The following PLSCR2 variants were observed in gnomAD, a reference collection of about 807,000 sequenced individuals.
PLSCR2 encodes the protein PL scramblase 2.
A neutral mutation model predicts 25.3 loss-of-function variants in PLSCR2; 18 were observed. The ratio of observed to expected loss-of-function variants is 0.71; its 90% CI spans 0.49 to 1.06. The LOEUF (loss-of-function observed/expected upper bound fraction) is 1.06. Ranked by LOEUF, PLSCR2 falls within the 50% of genes least tolerant of loss-of-function variation. The pLI is 0.00. For missense variants in PLSCR2, 243 were observed against 269.5 expected, an observed-to-expected ratio of 0.90 and a Z score of 0.69; for synonymous variants, 88 against 87.3, an observed-to-expected ratio of 1.01 and a Z score of -0.04.
chr3:146,482,728 A>G (rs2043173158), intron 1 of PLSCR2, among the ~76,000 whole-genome samples: 1 of 152,230 alleles, frequency 6.6e-6, no homozygotes, highest in African/African-American at 2.4e-5. Flanking sequence ...ATTACTGGGT[A>G]TATACCCAAA....
At chr3:146,449,686 T>C (rs1408188636) in intron 5 of PLSCR2, among the ~76,000 whole-genome samples, 5 of 152,188 alleles carry the variant, frequency 3.3e-5, no homozygotes, top group African/African-American at 1.2e-4. Context: ...CAGAAAAGGA[T>C]ATAAATTTGA....
chr3:146,401,359 C>A (rs2038470560), intron 2 of PLSCR2: 1 of 152,496 alleles, frequency 6.6e-6, no homozygotes, highest in African/African-American at 2.4e-5. Flanking sequence ...TATTTACTTA[C>A]CTTTTGTAAG....
intron 1 of PLSCR2, among the ~76,000 whole-genome samples, chr3:146,475,585 T>A (rs1576719064): frequency 6.6e-6 from 1 of 152,226 alleles, no homozygotes; most frequent in African/African-American, 2.4e-5. Context: ...ATTTGGTTAC[T>A]TTCCTCAACT....
chr3:146,469,808 C>T (rs2042043827), intron 1 of PLSCR2, among the ~76,000 whole-genome samples: 1 of 147,984 alleles, frequency 6.8e-6, no homozygotes, highest in African/African-American at 2.5e-5. Context: ...CGACGCGCAG[C>T]TGCCGCCCAG....
intron 2 of PLSCR2, among the ~76,000 whole-genome samples, chr3:146,403,165 T>C (rs777704412): frequency 4.0e-4 from 56 of 139,286 alleles, no homozygotes; most frequent in African/African-American, 1.2e-3. Flanking sequence ...CACACACACA[T>C]GCACACTCCT....
chr3:146,466,048 A>C (rs2041849140), intron 1 of PLSCR2, among the ~76,000 whole-genome samples: 1 of 152,256 alleles, frequency 6.6e-6, no homozygotes, highest in South Asian at 2.1e-4. Context: ...CCAGTTATTA[A>C]TGCAAAGCAC....
chr3:146,460,771 T>C (rs1358407354), upstream of PLSCR2, among the ~76,000 whole-genome samples: 1 of 152,196 alleles, frequency 6.6e-6, no homozygotes. Flanking sequence ...GAAACCCTAA[T>C]ATAGATGTAA....
At chr3:146,470,250 G>A (rs1003205129) in intron 1 of PLSCR2, among the ~76,000 whole-genome samples, 1 of 152,134 alleles carries the variant, frequency 6.6e-6, no homozygotes, top group African/African-American at 2.4e-5. Flanking sequence ...TTGCACTGAC[G>A]TTTCTACTGA....
chr3:146,474,252 A>G (rs2042212083), intron 1 of PLSCR2, among the ~76,000 whole-genome samples: 1 of 152,114 alleles, frequency 6.6e-6, no homozygotes, highest in Non-Finnish European at 1.5e-5. Flanking sequence ...AAAACATGCT[A>G]TCTTTTTTTA....
chr3:146,443,657 T>C (rs1346725988), intron 6 of PLSCR2, among the ~76,000 whole-genome samples: 6 of 152,020 alleles, frequency 3.9e-5, no homozygotes, highest in Admixed American at 2.0e-4. Flanking sequence ...TCTGTTTTCT[T>C]AGTTGGTCAG....
At chr3:146,474,186 G>T (rs2042209642) in intron 1 of PLSCR2, among the ~76,000 whole-genome samples, 1 of 152,162 alleles carries the variant, frequency 6.6e-6, no homozygotes, top group South Asian at 2.1e-4. Flanking sequence ...AGACTGACTT[G>T]TGGTTATAGA....
At chr3:146,453,452 T>C (rs774782141) in intron 5 of PLSCR2, among the ~76,000 whole-genome samples, 1 of 152,132 alleles carries the variant, frequency 6.6e-6, no homozygotes, top group Non-Finnish European at 1.5e-5. Flanking sequence ...GAATTAAATA[T>C]AGAGACATAT....
intron 2 of PLSCR2, among the ~76,000 whole-genome samples, chr3:146,402,850 C>T (rs909238884): frequency 4.6e-5 from 7 of 152,136 alleles, no homozygotes; most frequent in African/African-American, 1.7e-4. Flanking sequence ...AGGTATTAAA[C>T]ATAATTATGT....
intron 2 of PLSCR2, among the ~76,000 whole-genome samples, chr3:146,399,209 G>A (rs2107991237): frequency 6.6e-6 from 1 of 151,784 alleles, no homozygotes; most frequent in East Asian, 1.9e-4. Flanking sequence ...TACTCAATAT[G>A]CCAAGCACTT....
intron 6 of PLSCR2, among the ~76,000 whole-genome samples, chr3:146,445,633 G>A (rs1250801104): frequency 6.6e-6 from 1 of 151,896 alleles, no homozygotes; most frequent in Non-Finnish European, 1.5e-5. Flanking sequence ...TTTTCTTTGG[G>A]TTAAATATGC....
upstream of PLSCR2, among the ~76,000 whole-genome samples, chr3:146,462,812 A>G (rs2108438413): frequency 1.3e-5 from 2 of 152,268 alleles, no homozygotes; most frequent in Middle Eastern, 3.4e-3. Context: ...TCTAATCAGG[A>G]GGAAAGCCAT....
intron 1 of PLSCR2, 134 bp downstream of exon 1, chr3:146,469,361 T>G (rs981384245): frequency 8.2e-5 from 79 of 968,592 alleles, no homozygotes; most frequent in Non-Finnish European, 9.2e-5. Flanking sequence ...CCACTTCAGG[T>G]GTCGCTTCCC....
In PLSCR2 at chr3:146,455,232, C is replaced by A; in HGVS notation, c.321+7G>T. ...TTTATGAAAAGCTCTAGTAATTGCT[C>A]ACATACCTCCTGAAGGCAGCAGGGG... On this transcript the variant is annotated splice_region_variant and intron_variant, in intron 4 of 6. Coordinates refer to ENST00000610787, the Ensembl canonical transcript of PLSCR2. The A allele has an allele frequency of 1.3e-6, 2 of 1,593,400 alleles. No homozygotes were observed. Among genetic ancestry groups the A allele is most frequent in the Non-Finnish European group, 1.7e-6 (2 of 1,161,338 alleles).
intron 6 of PLSCR2, among the ~76,000 whole-genome samples, chr3:146,445,357 A>C (rs1417700744): frequency 1.3e-5 from 2 of 152,288 alleles, no homozygotes; most frequent in Middle Eastern, 3.4e-3. Flanking sequence ...GGTATTAATG[A>C]AATTCCTCAG....
Sources: gnomAD v4.1 joint callset for allele counts (sites outside exome capture counted in the v4.1 genomes callset) on GRCh38, gnomAD v4.1.1 for gene constraint, MANE v1.5 for transcripts, NCBI Gene and HGNC (gene_info 2026-07-23, HGNC 2026-07-21) for gene names.